DDX51: variants seen among roughly 807,000 people sequenced by gnomAD.
DDX51 encodes the protein DEAD-box helicase 51.
Under a neutral mutation model 74.6 loss-of-function variants are expected in DDX51, and 67 were observed. The observed-to-expected ratio is 0.90, with a 90% CI of 0.74 to 1.10. The LOEUF (loss-of-function observed/expected upper bound fraction) is 1.10, where lower values mean the gene tolerates loss of function less well. Among genes scored for constraint, DDX51 ranks in the 50% least tolerant of loss-of-function variants. The pLI, the probability that DDX51 is intolerant of heterozygous loss-of-function variation, is 0.00. For missense variants in DDX51, 1,056 were observed against 905.2 expected, an observed-to-expected ratio of 1.17 and a Z score of -2.14; for synonymous variants, 545 against 402.9, an observed-to-expected ratio of 1.35 and a Z score of -4.22.
At chr12:132,139,450 C>A (rs532105404) in intron 14 of DDX51, 152 bp from the exon 15 acceptor site, 7 of 1,508,680 alleles carry the variant, frequency 4.6e-6, no homozygotes, top group South Asian at 1.1e-5. Flanking sequence ...CCTGGTGCCA[C>A]GTGTTTCCAC....
In DDX51 at chr12:132,141,173, C is replaced by A. The variant is rs1467804776; in HGVS notation, c.1250+102G>T. The A allele has an allele frequency of 3.3e-5, 49 of 1,506,442 alleles. No individual in the cohort carries two copies. In the East Asian group the frequency reaches 1.1e-3, roughly 33 times the overall value. 93.3% of individuals were successfully genotyped at this position (1,506,442 alleles called of 1,614,324 possible). A position where few individuals can be genotyped will look rare whatever the true frequency, so the allele number is the denominator to read the frequency against. Reference sequence around the variant, plus strand: ...TGACAGTACGATGCGGTTCTGTGCACCAGAGCTCAAGCCACCCTTATCTCT... The same window carrying A: ...TGACAGTACGATGCGGTTCTGTGCAACAGAGCTCAAGCCACCCTTATCTCT... On this transcript the variant is annotated intron_variant, in intron 8 of 14. Coordinates refer to ENST00000397333, the MANE Select transcript of DDX51 (RefSeq NM_175066.4).
intron 2 of DDX51, 165 bp from the exon 3 acceptor site, chr12:132,143,043 G>A (rs1593422625): frequency 1.1e-6 from 1 of 884,364 alleles, no homozygotes; most frequent in South Asian, 1.6e-5. Context: ...AAGTTAAACA[G>A]TAAAAGCAGA....
chr12:132,141,712 G>A, intron 6 of DDX51, 106 bp from the exon 7 acceptor site: 2 of 1,460,632 alleles, frequency 1.4e-6, no homozygotes, highest in Non-Finnish European at 1.9e-6. Flanking sequence ...CATGGGAAGG[G>A]GGCCGGTGGG....
rs1250770916 is a variant in DDX51 at position 132,140,501 on chromosome 12, A to T, written c.1595T>A (p.Val532Glu). The T allele has an allele frequency of 3.7e-6, 6 of 1,613,158 alleles. No individual in the cohort carries two copies. The highest frequency in any genetic ancestry group is 5.1e-6 in the Non-Finnish European group (6 of 1,180,022). Residue 532 changes from valine (V) to glutamate (E), a missense_variant, in exon 11 of 15, where the codon GTG (valine) becomes GAG (glutamate). Coordinates refer to ENST00000397333, the MANE Select transcript of DDX51 (RefSeq NM_175066.4). ...LLVQAFGGVD[V>E]AEFSSRYGPG... ...CCCGTAGCGCGAGGAGAACTCAGCC[A>T]CGTCCACACCCCCAAAAGCTTGCAC...
chr12:132,144,300 C>A lies in DDX51; in HGVS notation c.-4G>T. The A allele has an allele frequency of 7.5e-7, 1 of 1,335,570 alleles. No homozygotes were observed. The highest frequency in any genetic ancestry group is 3.1e-5 in the East Asian group (1 of 32,136). The allele number at this position is 1,335,570 out of a possible 1,614,324, so 82.7% of individuals were successfully genotyped here. A position where few individuals can be genotyped will look rare whatever the true frequency, so the allele number is the denominator to read the frequency against. ...GCGCGACGTAGAACAGCGCCATGGC[C>A]AGCCGCACGCCTGGGACTCGGGCGT... On this transcript the variant is annotated 5_prime_UTR_variant, in exon 1 of 15. Transcript: ENST00000397333.
Position 132,143,710 on chromosome 12 carries a change from C to T in DDX51, c.504G>A (p.Lys168=). Residue 168 remains lysine (K), a synonymous_variant, in exon 2 of 15, where the codon AAG becomes AAA. Transcript: ENST00000397333. The stretch of plus-strand genomic sequence containing the variant: ...CGAGGCTCACCTTCGGCGCCTTCCT[C>T]TTCCCGAACCCCCCCAGCACCAGGC... ...VPGLVLGGFG[K]RKAPKVQPFL... 1 of 1,541,020 alleles carries T rather than the reference C, an allele frequency of 6.5e-7. No homozygotes were observed. The highest frequency in any genetic ancestry group is 8.7e-7 in the Non-Finnish European group (1 of 1,145,400).
Position 132,141,292 on chromosome 12 carries a change from C to A in DDX51, c.1233G>T (p.Gln411His). ...PCALLQRRQA[Q>H]AVTAASTCCP... ...CTGGATACCTGGCGGCTGTCACAGC[C>A]TGGGCCTGCCTTCGCTGGAGCAGGG... The change falls in exon 8 of 15, where the codon CAG becomes CAT. Residue 411 changes from glutamine to histidine, a missense_variant. Coordinates refer to ENST00000397333, the MANE Select transcript of DDX51 (RefSeq NM_175066.4). The A allele has an allele frequency of 6.3e-7, 1 of 1,596,014 alleles. No individual in the cohort carries two copies. The highest frequency in any genetic ancestry group is 1.3e-5 in the African/African-American group (1 of 74,944).
chr12:132,139,529 C>T lies in DDX51; in HGVS notation c.1974+106G>A, dbSNP rs199798344. The T allele has an allele frequency of 1.5e-3, 2,350 of 1,601,668 alleles. 1 individual carries two copies. Among genetic ancestry groups the T allele is most frequent in the Non-Finnish European group, 1.7e-3 (1,975 of 1,169,964 alleles). ...GGACAACCTGTGTGACCCTCTGTTG[C>T]CTTCTCGCTTTCCTCTTTTTCCCTC... On this transcript the variant is annotated intron_variant, in intron 14 of 14. Coordinates refer to ENST00000397333, the MANE Select transcript of DDX51 (RefSeq NM_175066.4).
At chr12:132,142,976 C>A in intron 2 of DDX51, 98 bp from the exon 3 acceptor site, 1 of 1,532,202 alleles carries the variant, frequency 6.5e-7, no homozygotes. Context: ...CTGGGGAAAC[C>A]TCTGTCGTCT....
Position 132,140,539 on chromosome 12 carries a change from C to G in DDX51, c.1557G>C (p.Arg519Ser), listed in dbSNP as rs1359616617. The change falls in exon 11 of 15, where the codon AGG becomes AGC. Residue 519 changes from arginine (R) to serine (S), a missense_variant and splice_region_variant. Transcript: ENST00000397333. ...CFTNSRENSHRLFLLVQAFGG... is the reference protein window; with the variant it reads ...CFTNSRENSHSLFLLVQAFGG... ...CAAAAGCTTGCACCAGCAGGAAGAG[C>G]CTAGGCAGAGAGAAGGCTGCGGCCA... 3.1e-6 allele frequency: 5 copies of G among 1,612,988 alleles called. No individual in the cohort carries two copies. Among genetic ancestry groups the G allele is most frequent in the Non-Finnish European group, 4.2e-6 (5 of 1,179,996 alleles).
intron 8 of DDX51, 51 bp downstream of exon 8, chr12:132,141,224 G>A (rs769339770): frequency 6.5e-6 from 10 of 1,544,646 alleles, no homozygotes; most frequent in African/African-American, 2.7e-5. Context: ...AGAGCTGTGT[G>A]CAGAGGACTC....
rs765144478 is a variant in DDX51 at position 132,143,796 on chromosome 12, T to A, written c.418A>T (p.Ser140Cys). 3.5e-5 allele frequency: 54 copies of A among 1,521,900 alleles called. No homozygotes were observed. The highest frequency in any genetic ancestry group is 4.6e-5 in the Non-Finnish European group (52 of 1,140,518). The allele number at this position is 1,521,900 out of a possible 1,614,324, so 94.3% of individuals were successfully genotyped here. A position where few individuals can be genotyped will look rare whatever the true frequency, so the allele number is the denominator to read the frequency against. The part of the protein sequence containing the change: ...EAPGERSTSA[S>C]AEAAPDGPAL... ...GGTCCATCTGGGGCCGCCTCGGCGC[T>A]GGCGCTGGTGCTGCGCTCCCCCGGC... The change falls in exon 2 of 15, where the codon AGC (serine) becomes TGC (cysteine). Residue 140 changes from serine to cysteine, a missense_variant. By Grantham distance (112) the Ser-to-Cys change is moderately radical. Transcript: ENST00000397333.
intron 2 of DDX51, 84 bp from the exon 3 acceptor site, chr12:132,142,962 G>C: frequency 6.3e-7 from 1 of 1,584,776 alleles, no homozygotes; most frequent in Non-Finnish European, 8.6e-7. Flanking sequence ...CTAGGGGAGG[G>C]AGGCTGGGGA....
Position 132,141,280 on chromosome 12 carries a change from G to A in DDX51, c.1245C>T (p.Ala415=), listed in dbSNP as rs370535261. 2.9e-5 allele frequency: 46 copies of A among 1,591,764 alleles called. No homozygotes were observed. Among genetic ancestry groups the A allele is most frequent in the African/African-American group, 5.4e-5 (4 of 74,664 alleles). The change falls in exon 8 of 15, where the codon GCC becomes GCT. Residue 415 remains alanine (A), a synonymous_variant. Transcript: ENST00000397333. ...CTGGGCGTGCTGCTGGATACCTGGC[G>A]GCTGTCACAGCCTGGGCCTGCCTTC... ...LQRRQAQAVT[A]ASTCCPQMPL... is the part of the protein sequence containing the mutation.
Position 132,138,345 on chromosome 12 carries a change from C to G in DDX51, c.*927G>C, listed in dbSNP as rs1897327308. On this transcript the variant is annotated 3_prime_UTR_variant, in exon 15 of 15. Coordinates refer to ENST00000397333, the MANE Select transcript of DDX51 (RefSeq NM_175066.4). ...GAGCTTTTTTTTTGACGGAGTCTCA[C>G]TCTGTTGCCCAGGCTGGAGTGCAGT... 6.6e-6 allele frequency: 1 copy of G among 152,328 alleles called. No homozygotes were observed. Among genetic ancestry groups the G allele is most frequent in the Non-Finnish European group, 1.5e-5 (1 of 68,132 alleles). 9.4% of individuals were successfully genotyped at this position (152,328 alleles called of 1,614,324 possible).
Position 132,140,086 on chromosome 12 carries a change from G to T in DDX51, c.1775+12C>A. ...CCCCAGACCCCCCAGTGGCCGCTGC[G>T]CCAGCGCTCACCGGTGCACGTAGGT... On this transcript the variant is annotated intron_variant, in intron 12 of 14. Coordinates refer to ENST00000397333, the MANE Select transcript of DDX51 (RefSeq NM_175066.4). The T allele has an allele frequency of 6.2e-7, 1 of 1,611,744 alleles. No individual in the cohort carries two copies.
At position 132,142,142 on chromosome 12, in the gene DDX51, G is replaced by C. The variant is rs1270064291; in HGVS notation, c.865C>G (p.Pro289Ala). Residue 289 changes from proline (P) to alanine (A), a missense_variant, in exon 5 of 15, where the codon CCC becomes GCC. Physicochemically the swap from Pro to Ala is conservative, Grantham distance 27. Transcript: ENST00000397333. ...VCHIRALVVL[P>A]TKELAQQVSK... is the part of the protein sequence containing the mutation. ...ACCTGCTGGGCCAGCTCCTTGGTGG[G>C]CAGCACAACCAGGGCACGGATGTGG... 1 of 1,545,780 alleles carries C rather than the reference G, an allele frequency of 6.5e-7. No individual in the cohort carries two copies. Among genetic ancestry groups the C allele is most frequent in the Non-Finnish European group, 8.7e-7 (1 of 1,146,096 alleles).
chr12:132,142,731 G>C lies in DDX51; in HGVS notation c.667C>G (p.Pro223Ala). The C allele has an allele frequency of 6.2e-7, 1 of 1,612,690 alleles. No homozygotes were observed. The highest frequency in any genetic ancestry group is 8.5e-7 in the Non-Finnish European group (1 of 1,179,974). The change falls in exon 3 of 15, where the codon CCA becomes GCA. Residue 223 changes from proline (P) to alanine (A), a missense_variant. By Grantham distance (27) the Pro-to-Ala change is conservative. Transcript: ENST00000397333. The part of the protein sequence containing the change: ...LRAHGISSYF[P>A]VQAAVIPALL... ...TGCCTGCCCGGGGCTGGGGCACCTG[G>C]AAAGTAGGACGAGATGCCGTGTGCC... is the stretch of plus-strand genomic sequence containing the variant.
In DDX51 at chr12:132,140,903, T is replaced by C. The variant is rs1897430618; in HGVS notation, c.1368A>G (p.Leu456=). ...CTGTATCTTCCAGGCCCCTGTGTGC[T>C]AGCCCTGTGGAGAAAAGCCGGGGCT... ...LHQPRLFSTG[L]AHRGLEDTDG... Residue 456 remains leucine, a synonymous_variant, in exon 9 of 15, where the codon CTA becomes CTG. Transcript: ENST00000397333. The C allele has an allele frequency of 1.2e-6, 2 of 1,613,340 alleles. No individual in the cohort carries two copies.
Sources: gnomAD v4.1 joint callset for allele counts on GRCh38, gnomAD v4.1.1 for gene constraint, MANE v1.5 for transcripts, NCBI Gene and HGNC (gene_info 2026-07-23, HGNC 2026-07-21) for gene names.